FAM81B: variants seen among roughly 807,000 people sequenced by gnomAD.
FAM81B encodes family with sequence similarity 81 member B.
In FAM81B, 60 loss-of-function variants were observed where a neutral mutation model predicts 58.7. The ratio of observed to expected loss-of-function variants is 1.02; its 90% CI spans 0.83 to 1.27. The LOEUF is 1.27. Ranked by LOEUF, FAM81B falls within the 50% of genes most tolerant of loss-of-function variation. The pLI is 0.00. For missense variants in FAM81B, 491 were observed against 522.0 expected, an observed-to-expected ratio of 0.94 and a Z score of 0.58; for synonymous variants, 189 against 179.6, an observed-to-expected ratio of 1.05 and a Z score of -0.42.
At chr5:95,427,051 A>G (rs1481973333) in intron 5 of FAM81B, among the ~76,000 whole-genome samples, 1 of 149,194 alleles carries the variant, frequency 6.7e-6, no homozygotes, top group Non-Finnish European at 1.5e-5. Context: ...TCCGTCTCAA[A>G]AAAAAGAAAA....
At chr5:95,412,162 G>A (rs7716456) in intron 3 of FAM81B, among the ~76,000 whole-genome samples, 41,187 of 151,834 alleles carry the variant, frequency 0.27, 5,815 homozygotes, top group Non-Finnish European at 0.3. Flanking sequence ...TTTAAGACAT[G>A]ACTCTCGTCA....
intron 5 of FAM81B, 32 bp downstream of exon 5, chr5:95,420,434 A>G (rs780035772): frequency 1.9e-6 from 3 of 1,610,900 alleles, no homozygotes; most frequent in Non-Finnish European, 2.5e-6. Context: ...AATGTTTAAC[A>G]GTGAATTCTT....
In FAM81B at chr5:95,446,646, A is replaced by G; in HGVS notation, c.978A>G (p.Lys326=). Residue 326 remains lysine, a synonymous_variant, in exon 8 of 10, where the codon AAA becomes AAG. Coordinates refer to ENST00000283357, the MANE Select transcript of FAM81B (RefSeq NM_152548.3). ...WTENQFLKYR[K]DHLGHINECL... is the part of the protein sequence containing the mutation. Reference sequence around the variant, plus strand: ...AAAACCAATTTCTCAAATATAGAAAAGACCACCTGGGCCATATAAATGAAT... The same window carrying G: ...AAAACCAATTTCTCAAATATAGAAAGGACCACCTGGGCCATATAAATGAAT... The G allele has an allele frequency of 6.2e-7, 1 of 1,613,576 alleles. No homozygotes were observed. Among genetic ancestry groups the G allele is most frequent in the Non-Finnish European group, 8.5e-7 (1 of 1,179,858 alleles).
intron 5 of FAM81B, among the ~76,000 whole-genome samples, chr5:95,426,084 A>C (rs1762815855): frequency 8.7e-6 from 1 of 114,538 alleles, no homozygotes; most frequent in African/African-American, 3.6e-5. Context: ...TTTTCTTCCT[A>C]TCTCTGTGTG....
At position 95,420,294 on chromosome 5, in the gene FAM81B, ACCAAATAAGAG is replaced by A; in HGVS notation, c.550_560del (p.Gln184SerfsTer9). 2 of 1,613,664 alleles carry A rather than the reference ACCAAATAAGAG, an allele frequency of 1.2e-6. No individual in the cohort carries two copies. The highest frequency in any genetic ancestry group is 1.7e-6 in the Non-Finnish European group (2 of 1,179,696). On this transcript the variant is annotated frameshift_variant, in exon 5 of 10. Coordinates refer to ENST00000283357, the MANE Select transcript of FAM81B (RefSeq NM_152548.3). LOFTEE classifies it high-confidence loss of function. Reference sequence around the variant, plus strand: ...GACTCAAAATTACAGATTTTAGAAGACCAAATAAGAGCTCGAGATCAGGCGGCCACAGGAAC... The same window carrying A: ...GACTCAAAATTACAGATTTTAGAAGACTCGAGATCAGGCGGCCACAGGAAC...
At chr5:95,433,292 G>A (rs1361502270) in intron 6 of FAM81B, among the ~76,000 whole-genome samples, 1 of 152,118 alleles carries the variant, frequency 6.6e-6, no homozygotes, top group Non-Finnish European at 1.5e-5. Context: ...ATGGTGGCAG[G>A]CAAGAGAAGT....
chr5:95,403,303 T>C (rs13157382), intron 3 of FAM81B, among the ~76,000 whole-genome samples: 40,148 of 152,138 alleles, frequency 0.26, 5,491 homozygotes, highest in Middle Eastern at 0.29. Context: ...CTGAATTAAC[T>C]TAAGTTCCTT....
At chr5:95,440,909 G>T (rs1745313586) in intron 7 of FAM81B, among the ~76,000 whole-genome samples, 1 of 152,172 alleles carries the variant, frequency 6.6e-6, no homozygotes, top group African/African-American at 2.4e-5. Flanking sequence ...ATACCTCTGT[G>T]GTTACCAGAT....
intron 3 of FAM81B, among the ~76,000 whole-genome samples, chr5:95,411,146 G>A (rs187338675): frequency 6.6e-6 from 1 of 152,224 alleles, no homozygotes; most frequent in African/African-American, 2.4e-5. Flanking sequence ...TAAGGGCTTT[G>A]GAAATAACCT....
chr5:95,413,011 A>G (rs897216927), intron 3 of FAM81B, among the ~76,000 whole-genome samples: 3 of 152,314 alleles, frequency 2.0e-5, no homozygotes, highest in African/African-American at 7.2e-5. Context: ...AGGAACCTCT[A>G]TATCGGCAAG....
At position 95,411,692 on chromosome 5, in the gene FAM81B, C is replaced by T. The variant is rs576755356; in HGVS notation, c.294-2255C>T. On this transcript the variant is annotated intron_variant, in intron 3 of 9. Transcript: ENST00000283357. Reference sequence around the variant, plus strand: ...CTTCAATGAGTCACTACGGCATATGCAATTGCACAAAGAGCTGAGATCTTA... The same window carrying T: ...CTTCAATGAGTCACTACGGCATATGTAATTGCACAAAGAGCTGAGATCTTA... 3.9e-5 allele frequency among the ~76,000 whole-genome samples: 6 copies of T among 152,236 alleles called. No homozygotes were observed. In the South Asian group the frequency reaches 1.2e-3, roughly 32 times the overall value.
chr5:95,425,882 C>T (rs931053992), intron 5 of FAM81B, among the ~76,000 whole-genome samples: 7 of 151,724 alleles, frequency 4.6e-5, no homozygotes. Context: ...ACAAGTATAA[C>T]AATTCCAATC....
At chr5:95,406,811 T>C (rs1342979250) in intron 3 of FAM81B, among the ~76,000 whole-genome samples, 4 of 152,064 alleles carry the variant, frequency 2.6e-5, no homozygotes, top group Non-Finnish European at 5.9e-5. Context: ...CAGCCCGGGA[T>C]TTTTTTTAAC....
chr5:95,407,404 A>ACACG (rs1285249552), intron 3 of FAM81B, among the ~76,000 whole-genome samples: 1 of 150,550 alleles, frequency 6.6e-6, no homozygotes, highest in African/African-American at 2.5e-5. Context: ...ACACACACAC[A>ACACG]CACACGCACA....
chr5:95,393,882 T>A (rs1426567083), intron 2 of FAM81B, among the ~76,000 whole-genome samples: 2 of 152,114 alleles, frequency 1.3e-5, no homozygotes, highest in African/African-American at 2.4e-5. Flanking sequence ...TGTAAAAAAA[T>A]TCCCATAGTG....
intron 6 of FAM81B, among the ~76,000 whole-genome samples, 170 bp from the exon 7 acceptor site, chr5:95,436,630 C>T (rs909244829): frequency 6.6e-6 from 1 of 152,164 alleles, no homozygotes; most frequent in Non-Finnish European, 1.5e-5. Context: ...CTCATTTGAA[C>T]ACAAGGCATT....
intron 3 of FAM81B, among the ~76,000 whole-genome samples, chr5:95,401,215 C>T (rs997313149): frequency 8.5e-5 from 13 of 152,230 alleles, no homozygotes; most frequent in South Asian, 2.1e-4. Context: ...CCTTATAGAG[C>T]GCATCACTTT....
intron 8 of FAM81B, 148 bp from the exon 9 acceptor site, chr5:95,448,121 T>C: frequency 1.4e-6 from 1 of 702,638 alleles, no homozygotes; most frequent in Non-Finnish European, 2.3e-6. Context: ...TTAACTCTTA[T>C]ACTTATGAAC....
intron 3 of FAM81B, among the ~76,000 whole-genome samples, chr5:95,406,743 T>G (rs1446160016): frequency 6.6e-6 from 1 of 152,096 alleles, no homozygotes; most frequent in Non-Finnish European, 1.5e-5. Flanking sequence ...TTCAGGATTT[T>G]GTAAGGGAGA....
Sources: gnomAD v4.1 joint callset for allele counts (sites outside exome capture counted in the v4.1 genomes callset) on GRCh38, gnomAD v4.1.1 for gene constraint, MANE v1.5 for transcripts, NCBI Gene and HGNC (gene_info 2026-07-23, HGNC 2026-07-21) for gene names.